SLC25A31: variants seen among roughly 807,000 people sequenced by gnomAD.
SLC25A31 encodes solute carrier family 25 member 31.
In SLC25A31, 40 loss-of-function variants were observed where a neutral mutation model predicts 36.2. The observed-to-expected ratio is 1.10, with a 90% CI of 0.86 to 1.44. The LOEUF (loss-of-function observed/expected upper bound fraction) is 1.44. Among genes scored for constraint, SLC25A31 ranks in the 40% most tolerant of loss-of-function variants. The pLI is 0.00. For synonymous variants in SLC25A31, 143 were observed against 149.7 expected (o/e 0.96, Z 0.32); for missense variants, 350 against 397.1 (o/e 0.88, Z 1.01).
intron 2 of SLC25A31, among the ~76,000 whole-genome samples, chr4:127,750,046 G>GA (rs953344798): frequency 2.8e-4 from 42 of 148,166 alleles, no homozygotes; most frequent in East Asian, 2.2e-3. Context: ...AGTGCTAAAA[G>GA]AAAAAAAAAA....
intron 1 of SLC25A31, among the ~76,000 whole-genome samples, chr4:127,734,466 A>T (rs1731585627): frequency 6.6e-6 from 1 of 151,314 alleles, no homozygotes; most frequent in Non-Finnish European, 1.5e-5. Flanking sequence ...AAGCTGAAAC[A>T]CAAGAATCAC....
At chr4:127,758,106 A>T (rs894770805) in intron 2 of SLC25A31, among the ~76,000 whole-genome samples, 1 of 152,190 alleles carries the variant, frequency 6.6e-6, no homozygotes, top group Non-Finnish European at 1.5e-5. Context: ...TCATAAGAGT[A>T]GCATAGGAAA....
intron 2 of SLC25A31, among the ~76,000 whole-genome samples, chr4:127,759,587 T>A (rs1363951385): frequency 1.3e-5 from 2 of 152,156 alleles, no homozygotes; most frequent in Admixed American, 6.5e-5. Flanking sequence ...ACTTAAGTAC[T>A]TAGTATAGAC....
chr4:127,755,571 A>C (rs574693088), intron 2 of SLC25A31, among the ~76,000 whole-genome samples: 2 of 152,348 alleles, frequency 1.3e-5, no homozygotes, highest in South Asian at 4.1e-4. Context: ...GGAAATGCAA[A>C]TTAAAACCGC....
Position 127,774,024 on chromosome 4 carries a change from T to C in SLC25A31, c.*450T>C, listed in dbSNP as rs1490111261. ...ATCATATGTGTAGGCAGAAATAAGC[T>C]TTGTTCTATATCTCTTCTAAGACAG... is the stretch of plus-strand genomic sequence containing the variant. On this transcript the variant is annotated 3_prime_UTR_variant, in exon 6 of 6. Coordinates refer to ENST00000281154, the MANE Select transcript of SLC25A31 (RefSeq NM_031291.4). 6.5e-6 allele frequency: 1 copy of C among 153,070 alleles called. No individual in the cohort carries two copies. Among genetic ancestry groups the C allele is most frequent in the African/African-American group, 2.4e-5 (1 of 41,474 alleles). The allele number at this position is 153,070 out of a possible 1,614,324, so 9.5% of individuals were successfully genotyped here. A position where few individuals can be genotyped will look rare whatever the true frequency, so the allele number is the denominator to read the frequency against.
At chr4:127,734,776 T>C (rs551397511) in intron 1 of SLC25A31, among the ~76,000 whole-genome samples, 1 of 152,164 alleles carries the variant, frequency 6.6e-6, no homozygotes, top group Non-Finnish European at 1.5e-5. Flanking sequence ...AAATATTAGG[T>C]ATTTTATTTA....
chr4:127,761,593 C>CT (rs1732130648), intron 2 of SLC25A31, among the ~76,000 whole-genome samples: 1 of 152,102 alleles, frequency 6.6e-6, no homozygotes, highest in Non-Finnish European at 1.5e-5. Context: ...TTATTGCCTA[C>CT]TTTTTTTACT....
chr4:127,763,405 A>G (rs576070041), intron 2 of SLC25A31, among the ~76,000 whole-genome samples: 15 of 152,234 alleles, frequency 9.9e-5, no homozygotes, highest in Non-Finnish European at 2.2e-4. Context: ...ATTGAGCTTG[A>G]CTAGCATATT....
At position 127,731,270 on chromosome 4, in the gene SLC25A31, A is replaced by G. The variant is rs1433409878; in HGVS notation, c.232+493A>G. On this transcript the variant is annotated intron_variant, in intron 1 of 5. Coordinates refer to ENST00000281154, the MANE Select transcript of SLC25A31 (RefSeq NM_031291.4). The stretch of plus-strand genomic sequence containing the variant: ...AGAGAAGTACAAATATGGGAGCACT[A>G]GGGCTTACCAGTACTCTGAAACCTA... Among the ~76,000 whole-genome samples the G allele has an allele frequency of 2.0e-5, 3 of 152,292 alleles. No individual in the cohort carries two copies. The East Asian group carries it at 5.8e-4, about 29-fold the overall frequency.
intron 1 of SLC25A31, among the ~76,000 whole-genome samples, chr4:127,741,460 T>G (rs1205496633): frequency 6.6e-6 from 1 of 152,212 alleles, no homozygotes; most frequent in African/African-American, 2.4e-5. Flanking sequence ...TTCTTCAGCA[T>G]TTTTTGAGAT....
At position 127,768,781 on chromosome 4, in the gene SLC25A31, A is replaced by C; in HGVS notation, c.663A>C (p.Pro221=). The C allele has an allele frequency of 6.2e-7, 1 of 1,605,066 alleles. No homozygotes were observed. The highest frequency in any genetic ancestry group is 8.5e-7 in the Non-Finnish European group (1 of 1,176,106). ...KGLLPKPKKT[P]FLVSFFIAQV... The stretch of plus-strand genomic sequence containing the variant: ...TATTACCAAAGCCAAAGAAAACTCC[A>C]TTTCTTGTCTCCTTTTTCATTGCTC... Residue 221 remains proline (P), a synonymous_variant, in exon 5 of 6, where the codon CCA becomes CCC. Coordinates refer to ENST00000281154, the MANE Select transcript of SLC25A31 (RefSeq NM_031291.4).
chr4:127,764,253 G>A lies in SLC25A31; in HGVS notation c.371G>A (p.Trp124Ter). The change falls in exon 3 of 6, where the codon TGG becomes TAG. Residue 124 changes from tryptophan (W) to a stop codon, truncating the protein, a stop_gained. Coordinates refer to ENST00000281154, the MANE Select transcript of SLC25A31 (RefSeq NM_031291.4). LOFTEE classifies it high-confidence loss of function. ...ATTAATATGTTTCAGTTCTGGAGGTGGTTTTTGGCAAACCTGGCTTCTGGT... is the reference window on the plus strand; with the variant it reads ...ATTAATATGTTTCAGTTCTGGAGGTAGTTTTTGGCAAACCTGGCTTCTGGT... ...GVNKEKQFWR[W>*]FLANLASGGA... is the part of the protein sequence containing the mutation. 1.2e-6 allele frequency: 2 copies of A among 1,613,738 alleles called. No homozygotes were observed. The highest frequency in any genetic ancestry group is 4.5e-5 in the East Asian group (2 of 44,858).
At chr4:127,766,501 T>C (rs1030325447) in intron 3 of SLC25A31, among the ~76,000 whole-genome samples, 2 of 152,148 alleles carry the variant, frequency 1.3e-5, no homozygotes, top group African/African-American at 4.8e-5. Context: ...TGTTTTGTTT[T>C]GTTTTGTTTT....
At chr4:127,756,973 G>A (rs1732042847) in intron 2 of SLC25A31, among the ~76,000 whole-genome samples, 2 of 152,080 alleles carry the variant, frequency 1.3e-5, no homozygotes, top group South Asian at 4.1e-4. Context: ...CATTTATCCT[G>A]GAGAAATGAA....
chr4:127,762,669 A>C (rs1428005765), intron 2 of SLC25A31, among the ~76,000 whole-genome samples: 1 of 152,184 alleles, frequency 6.6e-6, no homozygotes, highest in Non-Finnish European at 1.5e-5. Context: ...CTGTAATCCC[A>C]GCACTTTGGG....
At chr4:127,758,034 A>G (rs1732061606) in intron 2 of SLC25A31, among the ~76,000 whole-genome samples, 1 of 152,148 alleles carries the variant, frequency 6.6e-6, no homozygotes, top group South Asian at 2.1e-4. Flanking sequence ...GAGAAAAATG[A>G]GGAGGAAGCA....
chr4:127,746,492 C>CA (rs1482665112), intron 2 of SLC25A31, among the ~76,000 whole-genome samples: 2 of 152,116 alleles, frequency 1.3e-5, no homozygotes, highest in South Asian at 2.1e-4. Context: ...GACCATGAGA[C>CA]AGTATCACAT....
At chr4:127,770,157 CTG>C (rs1732325533) in intron 5 of SLC25A31, among the ~76,000 whole-genome samples, 1 of 152,122 alleles carries the variant, frequency 6.6e-6, no homozygotes, top group South Asian at 2.1e-4. Context: ...CCATTTATGT[CTG>C]TGTTTCTTTT....
chr4:127,772,999 T>C (rs909025776), intron 5 of SLC25A31, among the ~76,000 whole-genome samples: 6 of 152,062 alleles, frequency 3.9e-5, no homozygotes, highest in Non-Finnish European at 8.8e-5. Context: ...CCCAGGGTGG[T>C]CTCAAACTCT....
Sources: allele counts gnomAD v4.1 joint callset (sites outside exome capture counted in the v4.1 genomes callset), GRCh38; gene constraint gnomAD v4.1.1; transcripts MANE v1.5; gene names NCBI Gene and HGNC (gene_info 2026-07-23, HGNC 2026-07-21).